The following ANK2 variants were observed in gnomAD, a reference collection of about 807,000 sequenced individuals.
The protein encoded by ANK2 is ankyrin-2.
Under a neutral mutation model 360.5 loss-of-function variants are expected in ANK2, and 83 were observed. The ratio of observed to expected loss-of-function variants is 0.23; its 90% CI spans 0.19 to 0.28. The LOEUF (loss-of-function observed/expected upper bound fraction) is 0.28, where lower values mean the gene tolerates loss of function less well. Ranked by LOEUF, ANK2 falls within the 10% of genes least tolerant of loss-of-function variation. ANK2 has a pLI of 1.00. For synonymous variants in ANK2, 1,740 were observed against 1,759.5 expected, an observed-to-expected ratio of 0.99 and a Z score of 0.28; for missense variants, 4,201 against 4,795.7, an observed-to-expected ratio of 0.88 and a Z score of 3.66.
chr4:112,762,449 T>TA, the ANK2 span, among the ~76,000 whole-genome samples: 1 of 152,250 alleles, frequency 6.6e-6, no homozygotes, highest in Non-Finnish European at 1.5e-5. Context: ...TGACAATGTT[T>TA]AAAAATCAGT....
chr4:113,299,170 T>A (rs1266888497), intron 22 of ANK2, among the ~76,000 whole-genome samples: 5 of 152,164 alleles, frequency 3.3e-5, no homozygotes, highest in Admixed American at 3.3e-4. Context: ...TTTCCACTCT[T>A]ACAAGTACAA....
At chr4:112,736,212 C>T in the ANK2 span, among the ~76,000 whole-genome samples, 1 of 152,058 alleles carries the variant, frequency 6.6e-6, no homozygotes, top group Admixed American at 6.6e-5. Flanking sequence ...CCTGTAATCC[C>T]AGCAGTTTGG....
At chr4:113,269,177 G>C (rs2057488904) in intron 14 of ANK2, among the ~76,000 whole-genome samples, 2 of 152,188 alleles carry the variant, frequency 1.3e-5, no homozygotes, top group Admixed American at 1.3e-4. Flanking sequence ...CTGGCAGCGA[G>C]AATTTCAAGC....
At chr4:113,305,339 C>CAAAA (rs10667489) in intron 23 of ANK2, among the ~76,000 whole-genome samples, 10,042 of 96,024 alleles carry the variant, frequency 0.1, 924 homozygotes, top group South Asian at 0.13. Context: ...GACTCCGTCT[C>CAAAA]AAAAAAAAAA....
At chr4:113,374,757 T>C in intron 45 of ANK2, 1 of 1,079,470 alleles carries the variant, frequency 9.3e-7, no homozygotes, top group South Asian at 2.5e-5. Flanking sequence ...TGTCCTTCGA[T>C]CATTAGGTCA....
intron 31 of ANK2, among the ~76,000 whole-genome samples, chr4:113,338,791 C>T (rs556207691): frequency 2.0e-5 from 3 of 151,900 alleles, no homozygotes; most frequent in South Asian, 2.1e-4. Context: ...CCTTGTGACC[C>T]GCCCACCTCA....
At chr4:113,176,414 T>C (rs930936869) in intron 2 of ANK2, among the ~76,000 whole-genome samples, 3 of 152,166 alleles carry the variant, frequency 2.0e-5, no homozygotes, top group African/African-American at 7.2e-5. Context: ...AATCTTCGTA[T>C]GTTGTGTCTA....
intron 2 of ANK2, among the ~76,000 whole-genome samples, chr4:112,990,098 C>T (rs938997169): frequency 4.6e-5 from 7 of 151,902 alleles, no homozygotes; most frequent in Admixed American, 2.0e-4. Context: ...AGTGAGACCC[C>T]GTCTCTACAA....
At chr4:112,895,343 C>A (rs1414601169) in intron 1 of ANK2, among the ~76,000 whole-genome samples, 1 of 152,274 alleles carries the variant, frequency 6.6e-6, no homozygotes, top group African/African-American at 2.4e-5. Flanking sequence ...TTTTAATCGT[C>A]CCTTTCATAG....
chr4:112,754,876 C>T, the ANK2 span, among the ~76,000 whole-genome samples: 3,571 of 152,148 alleles, frequency 0.023, 123 homozygotes, highest in African/African-American at 0.08. Context: ...AACCTAGTAA[C>T]GGTGGTCACC....
At chr4:112,789,304 G>A in the ANK2 span, among the ~76,000 whole-genome samples, 2 of 152,138 alleles carry the variant, frequency 1.3e-5, no homozygotes, top group African/African-American at 4.8e-5. Context: ...GGAAATAAAG[G>A]TAGCTGGGAG....
intron 22 of ANK2, among the ~76,000 whole-genome samples, chr4:113,299,532 C>T (rs1477933598): frequency 6.6e-6 from 1 of 151,946 alleles, no homozygotes; most frequent in East Asian, 1.9e-4. Flanking sequence ...TGGTGAAGCC[C>T]CATCTCTACT....
At chr4:113,295,997 AT>A (rs1255874067) in intron 22 of ANK2, among the ~76,000 whole-genome samples, 2 of 151,716 alleles carry the variant, frequency 1.3e-5, no homozygotes, top group East Asian at 1.9e-4. Flanking sequence ...CCCACATAAT[AT>A]TTTTTCCACA....
intron 2 of ANK2, among the ~76,000 whole-genome samples, chr4:112,913,806 G>A (rs978675808): frequency 6.6e-6 from 1 of 152,150 alleles, no homozygotes; most frequent in Non-Finnish European, 1.5e-5. Context: ...GTTTGAAAGA[G>A]ATCCAAACCT....
intron 2 of ANK2, among the ~76,000 whole-genome samples, chr4:112,965,521 G>A (rs916647524): frequency 4.6e-5 from 7 of 152,052 alleles, no homozygotes; most frequent in Non-Finnish European, 8.8e-5. Flanking sequence ...TATTTGTGGG[G>A]CATTAGTCAA....
In ANK2 at chr4:112,915,754, CA is replaced by C. The variant is rs529167858; in HGVS notation, c.21+11250del. On this transcript the variant is annotated intron_variant, in intron 2 of 30. Coordinates refer to the ANK2 transcript ENST00000503271. ...TGGGCAACAGAGTGAGACTCTGTTTCAAAAAAAAAATAAATAAATAAATAAA... is the reference window on the plus strand; with the variant it reads ...TGGGCAACAGAGTGAGACTCTGTTTCAAAAAAAAATAAATAAATAAATAAA... 2.5e-3 allele frequency among the ~76,000 whole-genome samples: 359 copies of C among 141,274 alleles called. 3 individuals carry two copies. The highest frequency in any genetic ancestry group is 8.7e-3 in the African/African-American group (322 of 36,938). The allele number at this position is 141,274 out of a possible 152,430, so 92.7% of individuals were successfully genotyped here. A position where few individuals can be genotyped will look rare whatever the true frequency, so the allele number is the denominator to read the frequency against.
chr4:112,912,176 C>CAA (rs77322574), intron 2 of ANK2, among the ~76,000 whole-genome samples: 10 of 97,232 alleles, frequency 1.0e-4, no homozygotes, highest in African/African-American at 3.5e-4. Flanking sequence ...GACTCCGTTT[C>CAA]AAAAAAAAAA....
Position 113,254,488 on chromosome 4 carries a change from G to C in ANK2, c.991-1247G>C, listed in dbSNP as rs549227023. On this transcript the variant is annotated intron_variant, in intron 10 of 45. Transcript: ENST00000357077. ...TTTCAAAGAAACATGCAACACTCCA[G>C]TCCAAACGTCATCAAGCCTTGAATT... Among the ~76,000 whole-genome samples, 4 of 152,294 alleles carry C rather than the reference G, an allele frequency of 2.6e-5. No homozygotes were observed. The South Asian group carries it at 8.3e-4, about 32-fold the overall frequency.
chr4:112,933,876 T>A (rs2093487300), intron 2 of ANK2, among the ~76,000 whole-genome samples: 1 of 151,966 alleles, frequency 6.6e-6, no homozygotes, highest in African/African-American at 2.4e-5. Flanking sequence ...AAATAATTAA[T>A]GTAAACATAA....
Sources: gnomAD v4.1 joint callset for allele counts (sites outside exome capture counted in the v4.1 genomes callset) on GRCh38, gnomAD v4.1.1 for gene constraint, MANE v1.5 for transcripts, NCBI Gene and HGNC (gene_info 2026-07-23, HGNC 2026-07-21) for gene names.